The following CCDC170 variants were observed in gnomAD, a reference collection of about 807,000 sequenced individuals.
CCDC170 encodes coiled-coil domain containing 170, also known as coiled-coil domain-containing protein 170.
Under a neutral mutation model 72.6 loss-of-function variants are expected in CCDC170, and 69 were observed. The ratio of observed to expected loss-of-function variants is 0.95; its 90% confidence interval spans 0.78 to 1.16. CCDC170 has a LOEUF of 1.16. Ranked by LOEUF, CCDC170 falls within the 50% of genes most tolerant of loss-of-function variation. The probability of loss-of-function intolerance (pLI) is 0.00; values close to 1 mark genes in which losing one functional copy is unlikely to be tolerated. For synonymous variants in CCDC170, 300 were observed against 303.9 expected (o/e 0.99, Z 0.13); for missense variants, 852 against 832.5 (o/e 1.02, Z -0.29).
At chr6:151,603,343 A>C (rs1346393364) in intron 9 of CCDC170, among the ~76,000 whole-genome samples, 1 of 152,202 alleles carries the variant, frequency 6.6e-6, no homozygotes, top group Non-Finnish European at 1.5e-5. Context: ...TTAATACTGC[A>C]GATACTTTAT....
In CCDC170 at chr6:151,585,353, G is replaced by T. The variant is rs866087361; in HGVS notation, c.1093-536G>T. ...TCTATAACTATGTAGTGTAGAGTCA[G>T]CATCCCTGGAGTTTAGGGCATAGGT... is the stretch of plus-strand genomic sequence containing the variant. On this transcript the variant is annotated intron_variant, in intron 6 of 10. Transcript: ENST00000239374. Among the ~76,000 whole-genome samples the T allele has an allele frequency of 2.0e-5, 3 of 152,194 alleles. No individual in the cohort carries two copies. In the South Asian group the frequency reaches 6.2e-4, roughly 32 times the overall value.
chr6:151,606,029 G>A (rs1305038404), intron 9 of CCDC170, among the ~76,000 whole-genome samples: 2 of 151,628 alleles, frequency 1.3e-5, no homozygotes, highest in Admixed American at 6.6e-5. Flanking sequence ...AGCCACCCAA[G>A]TAGCTGGGAT....
At chr6:151,571,671 G>A (rs1351862235) in intron 5 of CCDC170, among the ~76,000 whole-genome samples, 1 of 152,096 alleles carries the variant, frequency 6.6e-6, no homozygotes, top group African/African-American at 2.4e-5. Flanking sequence ...AGGTCATGGT[G>A]AGCTGAGATT....
rs1212001785 is a variant in CCDC170 at position 151,620,036 on chromosome 6, T to C, written c.*1889T>C. On this transcript the variant is annotated 3_prime_UTR_variant, in exon 11 of 11. Transcript: ENST00000239374. ...CTAGATTATATTAAAATATTTTTAA[T>C]TTTTTAAGCTTGACAAATGCACTGA... The C allele has an allele frequency of 6.6e-6, 1 of 152,072 alleles. No homozygotes were observed. Among genetic ancestry groups the C allele is most frequent in the Non-Finnish European group, 1.5e-5 (1 of 68,008 alleles). The allele number at this position is 152,072 out of a possible 1,614,324, so 9.4% of individuals were successfully genotyped here.
At chr6:151,506,069 T>C (rs7453575) in intron 1 of CCDC170, among the ~76,000 whole-genome samples, 11,292 of 152,070 alleles carry the variant, frequency 0.074, 521 homozygotes, top group East Asian at 0.17. Flanking sequence ...ACCACTTCAC[T>C]CCAGCCTGGG....
At chr6:151,579,036 C>A (rs1891001) in intron 6 of CCDC170, among the ~76,000 whole-genome samples, 138,871 of 151,452 alleles carry the variant, frequency 0.92, 63,880 homozygotes, top group East Asian at 0.99. Flanking sequence ...CTTTTTGTTT[C>A]AAAAAAAAAG....
rs1263577485 is a variant in CCDC170 at position 151,494,098 on chromosome 6, G to A, written c.-31G>A. 4.0e-6 allele frequency: 6 copies of A among 1,490,510 alleles called. No individual in the cohort carries two copies. Among genetic ancestry groups the A allele is most frequent in the Non-Finnish European group, 5.3e-6 (6 of 1,127,400 alleles). The allele number at this position is 1,490,510 out of a possible 1,614,324, so 92.3% of individuals were successfully genotyped here. On this transcript the variant is annotated 5_prime_UTR_variant, in exon 1 of 11. Coordinates refer to ENST00000239374, the MANE Select transcript of CCDC170 (RefSeq NM_025059.4). ...CGCCGCTTCCTCAGGGCCGGTTCCG[G>A]GTCCGAGCGCGCCCCCGGGCTCGGG...
At chr6:151,608,846 T>C (rs1776825193) in intron 9 of CCDC170, among the ~76,000 whole-genome samples, 1 of 152,190 alleles carries the variant, frequency 6.6e-6, no homozygotes, top group Non-Finnish European at 1.5e-5. Context: ...AAATTTCCTC[T>C]CTGGAATAAT....
intron 1 of CCDC170, among the ~76,000 whole-genome samples, chr6:151,535,367 A>G (rs1479320229): frequency 6.6e-6 from 1 of 152,182 alleles, no homozygotes; most frequent in South Asian, 2.1e-4. Context: ...GGGGCTGTCC[A>G]TGTGTGACAC....
rs772048424 is a variant in CCDC170 at position 151,494,091 on chromosome 6, G to A, written c.-38G>A. 2.6e-4 allele frequency: 379 copies of A among 1,481,110 alleles called. 1 individual carries two copies. Among genetic ancestry groups the A allele is most frequent in the Middle Eastern group, 1.6e-3 (7 of 4,442 alleles). 91.7% of individuals were successfully genotyped at this position (1,481,110 alleles called of 1,614,324 possible). On this transcript the variant is annotated 5_prime_UTR_variant, in exon 1 of 11. Transcript: ENST00000239374. The stretch of plus-strand genomic sequence containing the variant: ...CCGGCGCCGCCGCTTCCTCAGGGCC[G>A]GTTCCGGGTCCGAGCGCGCCCCCGG...
chr6:151,527,308 A>G (rs1388798576), intron 1 of CCDC170, among the ~76,000 whole-genome samples: 1 of 152,140 alleles, frequency 6.6e-6, no homozygotes, highest in Non-Finnish European at 1.5e-5. Flanking sequence ...TTATGCAGAA[A>G]TGTCTTCTTC....
intron 1 of CCDC170, among the ~76,000 whole-genome samples, chr6:151,522,271 T>C (rs536476130): frequency 6.6e-6 from 1 of 152,342 alleles, no homozygotes; most frequent in East Asian, 1.9e-4. Context: ...AACATCTTCC[T>C]CATGTTTTTT....
At chr6:151,614,092 C>A (rs1293322981) in intron 9 of CCDC170, among the ~76,000 whole-genome samples, 2 of 151,874 alleles carry the variant, frequency 1.3e-5, no homozygotes, top group Non-Finnish European at 2.9e-5. Flanking sequence ...GCTTCAAATT[C>A]TTTTTTTTAT....
Position 151,572,653 on chromosome 6 carries a change from T to TTTTGTTTTTG in CCDC170, c.775-518_775-517insGTTTTTGTTT, listed in dbSNP as rs1554223883. On this transcript the variant is annotated intron_variant, in intron 5 of 10. Coordinates refer to ENST00000239374, the MANE Select transcript of CCDC170 (RefSeq NM_025059.4). ...TATTTTATATCCCTTCTCTGTGTTT[T>TTTTGTTTTTG]TTTTTTTTTTTTTTTTGATGGAGTC... Among the ~76,000 whole-genome samples the TTTTGTTTTTG allele has an allele frequency of 7.6e-4, 76 of 100,510 alleles. 6 individuals are homozygous for TTTTGTTTTTG. In the South Asian group the frequency reaches 0.024, roughly 31 times the overall value. 65.9% of individuals were successfully genotyped at this position (100,510 alleles called of 152,430 possible). A position where few individuals can be genotyped will look rare whatever the true frequency, so the allele number is the denominator to read the frequency against.
At chr6:151,544,776 A>G in intron 4 of CCDC170, 60 bp downstream of exon 4, 1 of 1,536,084 alleles carries the variant, frequency 6.5e-7, no homozygotes, top group South Asian at 1.2e-5. Context: ...ATGTGGCATG[A>G]AAGGAAGTGC....
chr6:151,597,041 G>C (rs1344835670), intron 9 of CCDC170, among the ~76,000 whole-genome samples: 1 of 152,154 alleles, frequency 6.6e-6, no homozygotes, highest in African/African-American at 2.4e-5. Flanking sequence ...GGTCAGGTTG[G>C]TCTCGAACTC....
Position 151,596,403 on chromosome 6 carries a change from CCAG to C in CCDC170, c.1538_1540del (p.Gln513del). On this transcript the variant is annotated inframe_deletion, in exon 9 of 11. Coordinates refer to ENST00000239374, the MANE Select transcript of CCDC170 (RefSeq NM_025059.4). The stretch of plus-strand genomic sequence containing the variant: ...TGAGCCTCCTCCGGCAGAAAATAGC[CCAG>C]CTGGAGGAGGAGAAGCAGGCACGCA... 6.2e-7 allele frequency: 1 copy of C among 1,613,964 alleles called. No homozygotes were observed. Among genetic ancestry groups the C allele is most frequent in the Non-Finnish European group, 8.5e-7 (1 of 1,179,994 alleles).
intron 1 of CCDC170, among the ~76,000 whole-genome samples, chr6:151,502,337 A>G (rs922418147): frequency 1.4e-4 from 21 of 152,252 alleles, no homozygotes; most frequent in African/African-American, 4.8e-4. Flanking sequence ...TTCCCTCATT[A>G]GTGCCATAGG....
intron 1 of CCDC170, among the ~76,000 whole-genome samples, chr6:151,498,938 A>T (rs111304522): frequency 1.1e-4 from 13 of 122,562 alleles, no homozygotes; most frequent in Middle Eastern, 4.9e-3. Context: ...TTCTAGGCAC[A>T]CTGTATAAGT....
Sources: gnomAD v4.1 joint callset for allele counts (sites outside exome capture counted in the v4.1 genomes callset) on GRCh38, gnomAD v4.1.1 for gene constraint, MANE v1.5 for transcripts, NCBI Gene and HGNC (gene_info 2026-07-23, HGNC 2026-07-21) for gene names.